The following SEC23A variants were observed in gnomAD, a reference collection of about 807,000 sequenced individuals.
SEC23A encodes the protein SEC23 homolog A, COPII component.
SEC23A carries 56 observed loss-of-function variants against 103.7 expected under a neutral mutation model. The ratio of observed to expected loss-of-function variants is 0.54; its 90% CI spans 0.44 to 0.67. The LOEUF (loss-of-function observed/expected upper bound fraction) is 0.67. Ranked by LOEUF, SEC23A falls within the 30% of genes least tolerant of loss-of-function variation. SEC23A has a pLI of 0.00. For synonymous variants in SEC23A, 281 were observed against 293.0 expected (o/e 0.96, Z 0.42); for missense variants, 784 against 936.4 (o/e 0.84, Z 2.12).
At chr14:39,090,111 C>G (rs1469757900) in intron 5 of SEC23A, among the ~76,000 whole-genome samples, 1 of 152,198 alleles carries the variant, frequency 6.6e-6, no homozygotes, top group Non-Finnish European at 1.5e-5. Context: ...CTACCTCAGT[C>G]TGCCAAGTTT....
intron 19 of SEC23A, among the ~76,000 whole-genome samples, chr14:39,037,458 T>C (rs1186961058): frequency 6.6e-6 from 1 of 152,210 alleles, no homozygotes; most frequent in African/African-American, 2.4e-5. Flanking sequence ...AACACCCATA[T>C]AGCATACCTA....
chr14:39,076,424 G>A (rs1007077094), intron 7 of SEC23A, among the ~76,000 whole-genome samples: 4 of 149,014 alleles, frequency 2.7e-5, no homozygotes, highest in African/African-American at 9.9e-5. Context: ...TTTGTTTTGG[G>A]TTTTTAATTT....
intron 7 of SEC23A, among the ~76,000 whole-genome samples, chr14:39,077,599 GTA>G (rs2139258447): frequency 6.6e-6 from 1 of 152,080 alleles, no homozygotes; most frequent in African/African-American, 2.4e-5. Flanking sequence ...AGAAAAAAAA[GTA>G]TGCATGACTT....
intron 9 of SEC23A, among the ~76,000 whole-genome samples, chr14:39,070,111 T>C (rs888757805): frequency 2.0e-5 from 3 of 152,244 alleles, no homozygotes; most frequent in African/African-American, 7.2e-5. Flanking sequence ...ACAAAGAATA[T>C]ATCCATTGCG....
intron 11 of SEC23A, 172 bp downstream of exon 11, chr14:39,064,740 CT>C: frequency 1.6e-6 from 1 of 632,210 alleles, no homozygotes; most frequent in Admixed American, 2.8e-5. Flanking sequence ...GTCTTTTTTT[CT>C]TTTTTGGGGG....
At chr14:39,043,899 A>G (rs72671360) in intron 16 of SEC23A, among the ~76,000 whole-genome samples, 14,047 of 152,222 alleles carry the variant, frequency 0.092, 744 homozygotes, top group African/African-American at 0.16. Flanking sequence ...TCTTACTTAT[A>G]TAGGTTGAGA....
chr14:39,036,439 T>C (rs1163128900), intron 19 of SEC23A, among the ~76,000 whole-genome samples: 5 of 152,154 alleles, frequency 3.3e-5, no homozygotes, highest in Non-Finnish European at 5.9e-5. Flanking sequence ...CAGTTGATTT[T>C]TGTATTCTTT....
At chr14:39,088,167 G>A (rs1316295548) in intron 5 of SEC23A, 2 of 152,134 alleles carry the variant, frequency 1.3e-5, no homozygotes, top group African/African-American at 4.8e-5. Flanking sequence ...GGACTATCTG[G>A]GGAGCAAAGG....
At chr14:39,050,979 T>C (rs960841390) in intron 14 of SEC23A, among the ~76,000 whole-genome samples, 2 of 152,226 alleles carry the variant, frequency 1.3e-5, no homozygotes, top group Non-Finnish European at 2.9e-5. Flanking sequence ...TATTCTAGGA[T>C]AGCCTCATTT....
At chr14:39,062,723 TA>T (rs1046054357) in intron 12 of SEC23A, among the ~76,000 whole-genome samples, 8 of 151,422 alleles carry the variant, frequency 5.3e-5, no homozygotes, top group Admixed American at 1.3e-4. Context: ...TTTTAATGTT[TA>T]AAAAAAAACT....
rs771480312 is a variant in SEC23A at position 39,085,921 on chromosome 14, T to C, written c.684-15A>G. On this transcript the variant is annotated splice_polypyrimidine_tract_variant and intron_variant, in intron 6 of 19. Coordinates refer to ENST00000307712, the MANE Select transcript of SEC23A (RefSeq NM_006364.4). Reference sequence around the variant, plus strand: ...GTTGTAAGAATCTAAGAAACAGAATTAAATAAAAAGCCATTTGTAAATGTT... The same window carrying C: ...GTTGTAAGAATCTAAGAAACAGAATCAAATAAAAAGCCATTTGTAAATGTT... 1.7e-5 allele frequency: 28 copies of C among 1,608,770 alleles called. No individual in the cohort carries two copies. Among genetic ancestry groups the C allele is most frequent in the Non-Finnish European group, 2.3e-5 (27 of 1,175,390 alleles).
intron 19 of SEC23A, among the ~76,000 whole-genome samples, chr14:39,037,058 C>T (rs1885486646): frequency 6.6e-6 from 1 of 152,082 alleles, no homozygotes; most frequent in South Asian, 2.1e-4. Context: ...CATTCTGCCT[C>T]TCTGATAATT....
intron 7 of SEC23A, among the ~76,000 whole-genome samples, chr14:39,082,798 C>A (rs1420193800): frequency 1.3e-5 from 2 of 152,130 alleles, no homozygotes; most frequent in East Asian, 3.8e-4. Flanking sequence ...AGATGCAAGA[C>A]CTGAATCAAA....
At chr14:39,059,291 A>AC (rs1177297667) in intron 13 of SEC23A, among the ~76,000 whole-genome samples, 1 of 66,986 alleles carries the variant, frequency 1.5e-5, no homozygotes, top group Non-Finnish European at 3.8e-5. Flanking sequence ...AAAAAAAAAA[A>AC]AAAAAAAAAA....
rs746156331 is a variant in SEC23A, at chr14:39,040,704, A to C, written c.2142+28T>G. The C allele has an allele frequency of 5.0e-6, 8 of 1,614,070 alleles. No homozygotes were observed. The Admixed American group carries it at 1.2e-4, about 24-fold the overall frequency. ...CTCACTGCAAACCTAACAACAAACA[A>C]ACACACAAACAAATTAACACTACTT... On this transcript the variant is annotated intron_variant, in intron 18 of 19. Coordinates refer to ENST00000307712, the MANE Select transcript of SEC23A (RefSeq NM_006364.4).
Position 39,085,785 on chromosome 14 carries a change from A to C in SEC23A, c.805T>G (p.Ser269Ala). 1 of 1,613,950 alleles carries C rather than the reference A, an allele frequency of 6.2e-7. No individual in the cohort carries two copies. The highest frequency in any genetic ancestry group is 8.5e-7 in the Non-Finnish European group (1 of 1,180,008). ...ACCTCCAGCAGTCCTACAGCTATGG[A>C]AAGTGCCACCCCAGAGGAACGCAAA... ...RPLRSSGVAL[S>A]IAVGLLECTF... Residue 269 changes from serine (S) to alanine (A), a missense_variant, in exon 7 of 20, where the codon TCC becomes GCC. By Grantham distance (99) the Ser-to-Ala change is moderately conservative. Transcript: ENST00000307712.
chr14:39,070,518 T>C (rs1886809528), intron 9 of SEC23A, among the ~76,000 whole-genome samples: 1 of 152,182 alleles, frequency 6.6e-6, no homozygotes, highest in South Asian at 2.1e-4. Context: ...TTATACGCCA[T>C]GACCAAGTGA....
chr14:39,057,403 A>G (rs1302246299), intron 13 of SEC23A, among the ~76,000 whole-genome samples: 1 of 152,198 alleles, frequency 6.6e-6, no homozygotes, highest in African/African-American at 2.4e-5. Context: ...CCAAGCTGGA[A>G]TGAAGTGGCA....
intron 14 of SEC23A, 62 bp downstream of exon 14, chr14:39,055,081 A>G (rs1186110468): frequency 1.3e-6 from 2 of 1,594,802 alleles, no homozygotes; most frequent in African/African-American, 2.7e-5. Context: ...GATTATCTGC[A>G]ACAAACATTT....
Sources: allele counts gnomAD v4.1 joint callset (sites outside exome capture counted in the v4.1 genomes callset), GRCh38; gene constraint gnomAD v4.1.1; transcripts MANE v1.5; gene names NCBI Gene and HGNC (gene_info 2026-07-23, HGNC 2026-07-21).